The following FTO variants were observed in gnomAD, a reference collection of about 807,000 sequenced individuals.
FTO encodes the protein FTO alpha-ketoglutarate dependent dioxygenase, also known as alpha-ketoglutarate-dependent dioxygenase FTO.
FTO carries 47 observed loss-of-function variants against 63.9 expected under a neutral mutation model. The ratio of observed to expected loss-of-function variants is 0.74; its 90% CI spans 0.58 to 0.94. FTO has a LOEUF of 0.94. Among genes scored for constraint, FTO ranks in the 40% least tolerant of loss-of-function variants. FTO has a pLI of 0.00. For missense variants in FTO, 562 were observed against 618.1 expected, an observed-to-expected ratio of 0.91 and a Z score of 0.96; for synonymous variants, 207 against 224.4, an observed-to-expected ratio of 0.92 and a Z score of 0.69.
chr16:53,880,842 G>A (rs1598895923), intron 6 of FTO, among the ~76,000 whole-genome samples: 1 of 146,016 alleles, frequency 6.8e-6, no homozygotes, highest in Non-Finnish European at 1.5e-5. Context: ...GGTGGCTCAC[G>A]CCTATAATCC....
intron 8 of FTO, among the ~76,000 whole-genome samples, chr16:53,942,683 C>T (rs765632917): frequency 2.0e-5 from 3 of 152,124 alleles, no homozygotes; most frequent in African/African-American, 4.8e-5. Context: ...GTTGGTGATT[C>T]GGCATGTGGA....
At chr16:53,935,852 G>T (rs1004496915) in intron 8 of FTO, 8 of 152,190 alleles carry the variant, frequency 5.3e-5, no homozygotes, top group African/African-American at 1.9e-4. Context: ...ATATCAGTTT[G>T]TGGACATCTA....
chr16:53,820,435 T>A (rs2078827014), intron 2 of FTO, among the ~76,000 whole-genome samples: 1 of 152,006 alleles, frequency 6.6e-6, no homozygotes, highest in Non-Finnish European at 1.5e-5. Flanking sequence ...TGGGGAGTGA[T>A]AACAGAGGGC....
At chr16:53,765,384 C>T (rs9937521) in intron 1 of FTO, among the ~76,000 whole-genome samples, 62,907 of 151,082 alleles carry the variant, frequency 0.42, 13,321 homozygotes, top group Non-Finnish European at 0.44. Context: ...TGGTGAAACC[C>T]GGTCTACTAA....
chr16:53,870,643 C>T (rs2151873010), intron 4 of FTO, among the ~76,000 whole-genome samples: 1 of 152,234 alleles, frequency 6.6e-6, no homozygotes, highest in East Asian at 1.9e-4. Context: ...TACCACTTTT[C>T]CTTCCATCCT....
intron 8 of FTO, among the ~76,000 whole-genome samples, chr16:54,019,004 A>C (rs546692894): frequency 1.2e-4 from 18 of 152,186 alleles, no homozygotes; most frequent in Non-Finnish European, 2.1e-4. Flanking sequence ...CATAGGCCCA[A>C]TGATGCGATT....
chr16:53,743,158 C>A (rs28752053), intron 1 of FTO, among the ~76,000 whole-genome samples: 1 of 152,092 alleles, frequency 6.6e-6, no homozygotes, highest in African/African-American at 2.4e-5. Context: ...TGAAATGCCC[C>A]TTCATTTGCT....
At chr16:53,868,918 G>A (rs112554663) in intron 4 of FTO, among the ~76,000 whole-genome samples, 4,370 of 151,968 alleles carry the variant, frequency 0.029, 230 homozygotes, top group African/African-American at 0.1. Context: ...TGCAACCTCC[G>A]CCTCCCGGGT....
chr16:53,892,677 CT>C (rs1567406782), intron 7 of FTO, among the ~76,000 whole-genome samples: 1 of 152,098 alleles, frequency 6.6e-6, no homozygotes, highest in East Asian at 1.9e-4. Flanking sequence ...ACATCGATCT[CT>C]TTTGCTGAGA....
chr16:53,839,230 G>A (rs1232347297), intron 3 of FTO, among the ~76,000 whole-genome samples: 1 of 152,062 alleles, frequency 6.6e-6, no homozygotes, highest in East Asian at 1.9e-4. Flanking sequence ...TTGGTTAGTG[G>A]GAGCTGGGAG....
At chr16:54,040,738 A>C (rs541669764) in intron 8 of FTO, 2 of 152,348 alleles carry the variant, frequency 1.3e-5, no homozygotes, top group Admixed American at 1.3e-4. Context: ...GTGGAGAAAC[A>C]GGAAGAGAGT....
chr16:53,812,235 T>G (rs1173629191), intron 2 of FTO, among the ~76,000 whole-genome samples: 1 of 152,122 alleles, frequency 6.6e-6, no homozygotes, highest in Non-Finnish European at 1.5e-5. Context: ...CCTCTCATAC[T>G]TTATCTATAC....
At chr16:53,871,928 T>C (rs2080510161) in intron 4 of FTO, among the ~76,000 whole-genome samples, 1 of 152,108 alleles carries the variant, frequency 6.6e-6, no homozygotes, top group Non-Finnish European at 1.5e-5. Context: ...GGTTTCACCA[T>C]GTTGGCCAGG....
At chr16:54,017,370 C>T (rs1329385271) in intron 8 of FTO, among the ~76,000 whole-genome samples, 2 of 152,100 alleles carry the variant, frequency 1.3e-5, no homozygotes, top group Non-Finnish European at 2.9e-5. Flanking sequence ...GCCAACAATT[C>T]CTCTTAATTA....
At chr16:53,790,579 CAAAAAAAAAAAA>C (rs34860208) in intron 1 of FTO, among the ~76,000 whole-genome samples, 1 of 55,224 alleles carries the variant, frequency 1.8e-5, no homozygotes, top group African/African-American at 7.6e-5. Flanking sequence ...CAAAATAAAG[CAAAAAAAAAAAA>C]AAAAAAAAAG....
intron 1 of FTO, among the ~76,000 whole-genome samples, chr16:53,706,467 T>C (rs968069020): frequency 2.6e-5 from 4 of 152,192 alleles, no homozygotes; most frequent in African/African-American, 9.7e-5. Context: ...ACCACTGATA[T>C]GTTTTTTGTC....
chr16:54,010,536 A>C (rs2084311020), intron 8 of FTO, among the ~76,000 whole-genome samples: 1 of 151,806 alleles, frequency 6.6e-6, no homozygotes, highest in Non-Finnish European at 1.5e-5. Context: ...TGTAATAGTC[A>C]GGAGAAGACC....
At chr16:53,919,140 T>C (rs2081951906) in intron 7 of FTO, among the ~76,000 whole-genome samples, 1 of 152,166 alleles carries the variant, frequency 6.6e-6, no homozygotes, top group South Asian at 2.1e-4. Flanking sequence ...ACAAATTACT[T>C]AACCTTTCTG....
chr16:53,801,244 T>TAGGTTTTGG (rs1030605095), intron 1 of FTO, among the ~76,000 whole-genome samples: 1 of 152,058 alleles, frequency 6.6e-6, no homozygotes, highest in African/African-American at 2.4e-5. Context: ...TTTTTGGTTT[T>TAGGTTTTGG]TTTTTTATGT....
Sources: allele counts gnomAD v4.1 joint callset (sites outside exome capture counted in the v4.1 genomes callset), GRCh38; gene constraint gnomAD v4.1.1; transcripts MANE v1.5; gene names NCBI Gene and HGNC (gene_info 2026-07-23, HGNC 2026-07-21).